ELF4: variants seen among roughly 807,000 people sequenced by gnomAD.
The protein encoded by ELF4 is ETS-related transcription factor Elf-4.
Under a neutral mutation model 31.7 loss-of-function variants are expected in ELF4, and 10 were observed. The observed-to-expected ratio is 0.32, with a 90% confidence interval of 0.19 to 0.54. ELF4 has a LOEUF of 0.54. ELF4 is among the 20% of genes least tolerant of loss of function. The probability of loss-of-function intolerance (pLI) is 0.95; values close to 1 mark genes in which losing one functional copy is unlikely to be tolerated. For missense variants in ELF4, 418 were observed against 522.0 expected (o/e 0.80, Z 1.94); for synonymous variants, 208 against 226.7 (o/e 0.92, Z 0.74).
At chrX:130,071,904 T>C (rs2040266922) in intron 5 of ELF4, among the ~76,000 whole-genome samples, 2 of 112,420 alleles carry the variant, frequency 1.8e-5, no homozygotes. Context: ...TGGTCTTTTA[T>C]AGGCTGAGGC....
At chrX:130,084,967 A>G (rs1383292800) in intron 1 of ELF4, among the ~76,000 whole-genome samples, 5 of 112,626 alleles carry the variant, frequency 4.4e-5, no homozygotes, top group Non-Finnish European at 9.4e-5. Context: ...TTTGGCTGGG[A>G]CGCAGCTTCA....
At chrX:130,097,062 C>G (rs1389840272) in intron 1 of ELF4, among the ~76,000 whole-genome samples, 3 of 104,285 alleles carry the variant, frequency 2.9e-5, no homozygotes, top group Non-Finnish European at 5.8e-5. Flanking sequence ...TTTGGGAGGC[C>G]GAGGTGGGAA....
At chrX:130,101,930 A>G (rs1327188531) in intron 1 of ELF4, among the ~76,000 whole-genome samples, 2 of 112,514 alleles carry the variant, frequency 1.8e-5, no homozygotes, top group Non-Finnish European at 3.8e-5. Context: ...TGAGGTCAGG[A>G]GTTTGAGACC....
intron 1 of ELF4, among the ~76,000 whole-genome samples, chrX:130,098,983 T>C (rs1777901183): frequency 8.9e-6 from 1 of 112,314 alleles, no homozygotes; most frequent in African/African-American, 3.2e-5. Flanking sequence ...CTCGAGGCAG[T>C]AGATTGCAAC....
intron 1 of ELF4, among the ~76,000 whole-genome samples, chrX:130,097,909 T>C (rs931918794): frequency 1.5e-4 from 17 of 112,639 alleles, no homozygotes; most frequent in African/African-American, 4.8e-4. Context: ...AGGCCTGGGC[T>C]CCGGTTTCCC....
At chrX:130,082,812 C>G (rs186116943) in intron 1 of ELF4, among the ~76,000 whole-genome samples, 22 of 111,635 alleles carry the variant, frequency 2.0e-4, no homozygotes, top group Admixed American at 5.7e-4. Context: ...CCCCTGGGCT[C>G]GGTTCTGAGT....
At chrX:130,104,277 T>TACACACACACACAC (rs61193112) in intron 1 of ELF4, among the ~76,000 whole-genome samples, 111 of 86,423 alleles carry the variant, frequency 1.3e-3, no homozygotes, top group Non-Finnish European at 2.1e-3. Context: ...TTCAGTATAT[T>TACACACACACACAC]ACACACACAC....
intron 5 of ELF4, 73 bp downstream of exon 5, chrX:130,072,153 T>C (rs889333039): frequency 8.6e-7 from 1 of 1,162,960 alleles, no homozygotes; most frequent in African/African-American, 1.8e-5. Flanking sequence ...AACACATCCA[T>C]GAGCCCTGAC....
At chrX:130,099,080 A>G (rs1033544137) in intron 1 of ELF4, among the ~76,000 whole-genome samples, 2 of 112,626 alleles carry the variant, frequency 1.8e-5, no homozygotes, top group Non-Finnish European at 3.8e-5. Context: ...GTAGTTTGGG[A>G]GCACTTGGGT....
chrX:130,070,437 T>C (rs1320126607), intron 7 of ELF4, among the ~76,000 whole-genome samples: 2 of 109,894 alleles, frequency 1.8e-5, no homozygotes, highest in Non-Finnish European at 3.8e-5. Flanking sequence ...TAGCCGGGCG[T>C]GGTGGCGGGC....
intron 1 of ELF4, among the ~76,000 whole-genome samples, chrX:130,088,145 T>C (rs1271694863): frequency 9.0e-6 from 1 of 111,037 alleles, no homozygotes; most frequent in Non-Finnish European, 1.9e-5. Flanking sequence ...GGAGAATCAC[T>C]TGAACTCAGG....
chrX:130,099,948 C>A (rs929088530), intron 1 of ELF4, among the ~76,000 whole-genome samples: 3 of 111,465 alleles, frequency 2.7e-5, no homozygotes, highest in African/African-American at 9.8e-5. Context: ...AATACATTTT[C>A]TTTTAAGGAT....
At chrX:130,111,764 G>T (rs1052143098), upstream of ELF4, among the ~76,000 whole-genome samples, 2 of 112,156 alleles carry the variant, frequency 1.8e-5, no homozygotes, top group Non-Finnish European at 3.8e-5. Context: ...TGCTCCACGC[G>T]CCCACTTGAA....
intron 1 of ELF4, among the ~76,000 whole-genome samples, chrX:130,090,479 C>T (rs1028527949): frequency 3.6e-4 from 40 of 112,198 alleles, no homozygotes; most frequent in African/African-American, 1.1e-3. Context: ...CCTCCACCTC[C>T]GTGCCTGTGT....
intron 1 of ELF4, among the ~76,000 whole-genome samples, chrX:130,105,053 C>T (rs914710290): frequency 2.7e-5 from 3 of 110,783 alleles, no homozygotes; most frequent in Non-Finnish European, 5.7e-5. Flanking sequence ...GCTTGTAATC[C>T]CAGCTACTTA....
chrX:130,084,142 C>G (rs773236733), intron 1 of ELF4, among the ~76,000 whole-genome samples: 2 of 112,327 alleles, frequency 1.8e-5, no homozygotes, highest in South Asian at 3.6e-4. Flanking sequence ...GACGTGTGCA[C>G]GAGAGCCTCT....
upstream of ELF4, among the ~76,000 whole-genome samples, chrX:130,111,620 G>T (rs763362738): frequency 8.9e-6 from 1 of 112,038 alleles, no homozygotes; most frequent in African/African-American, 3.2e-5. Context: ...GGTGGGGGAC[G>T]CTGGCAAGAT....
At chrX:130,071,542 C>G (rs1300983344) in intron 5 of ELF4, 123 bp from the exon 6 acceptor site, 10 of 649,614 alleles carry the variant, frequency 1.5e-5, no homozygotes, top group Non-Finnish European at 2.2e-5. Flanking sequence ...GGCCCCAGAT[C>G]GCTCTCCACA....
intron 1 of ELF4, among the ~76,000 whole-genome samples, chrX:130,101,130 G>A (rs1328051092): frequency 4.4e-5 from 5 of 112,600 alleles, no homozygotes; most frequent in African/African-American, 1.3e-4. Flanking sequence ...GGGGTTATTG[G>A]TTGATCACTG....
Sources: gnomAD v4.1 joint callset for allele counts (sites outside exome capture counted in the v4.1 genomes callset) on GRCh38, gnomAD v4.1.1 for gene constraint, MANE v1.5 for transcripts, NCBI Gene and HGNC (gene_info 2026-07-23, HGNC 2026-07-21) for gene names.